Variants in PALLD observed in about 807,000 individuals in gnomAD.
PALLD encodes the protein palladin.
A neutral mutation model predicts 123.5 loss-of-function variants in PALLD; 61 were observed. That is an observed-to-expected ratio of 0.49 (90% confidence interval 0.40 to 0.61). PALLD has a LOEUF of 0.61. Ranked by LOEUF, PALLD falls within the 20% of genes least tolerant of loss-of-function variation. PALLD has a pLI of 0.00. For synonymous variants in PALLD, 465 were observed against 496.4 expected (o/e 0.94, Z 0.84); for missense variants, 1,273 against 1,377.0 (o/e 0.92, Z 1.20).
chr4:168,642,504 C>T (rs1411195379), intron 2 of PALLD, among the ~76,000 whole-genome samples: 13 of 152,126 alleles, frequency 8.5e-5, no homozygotes, highest in Admixed American at 6.5e-5. Flanking sequence ...TGGGTTCAAG[C>T]GATCCTCCTG....
At chr4:168,821,674 G>A (rs1033402836) in intron 10 of PALLD, among the ~76,000 whole-genome samples, 7 of 151,724 alleles carry the variant, frequency 4.6e-5, no homozygotes, top group Non-Finnish European at 1.0e-4. Flanking sequence ...TCAGGAGTTC[G>A]AGACCAGCCT....
intron 10 of PALLD, among the ~76,000 whole-genome samples, chr4:168,719,252 CTTTTTTTTTTTT>C (rs869040811): frequency 1.2e-5 from 1 of 85,698 alleles, no homozygotes. Context: ...AAGTAATCTT[CTTTTTTTTTTTT>C]TTTTTTTTTT....
Position 168,894,573 on chromosome 4 carries a change from G to A in PALLD, c.2101-6G>A. On this transcript the variant is annotated splice_polypyrimidine_tract_variant and splice_region_variant and intron_variant, in intron 11 of 21. Transcript: ENST00000505667. ...TTTTGTATTTTTTGTGACTTACGTT[G>A]TTTAGAGGTTAACATACGAAGAAAG... 6.3e-7 allele frequency: 1 copy of A among 1,596,022 alleles called. No homozygotes were observed. The highest frequency in any genetic ancestry group is 1.1e-5 in the South Asian group (1 of 90,652).
At chr4:168,682,281 A>G (rs1293354853) in intron 4 of PALLD, among the ~76,000 whole-genome samples, 1 of 152,206 alleles carries the variant, frequency 6.6e-6, no homozygotes, top group Non-Finnish European at 1.5e-5. Flanking sequence ...ATCTGCTAGT[A>G]TGTACATAAA....
intron 3 of PALLD, among the ~76,000 whole-genome samples, chr4:168,671,765 C>G (rs1166497835): frequency 6.9e-6 from 1 of 145,602 alleles, no homozygotes; most frequent in Non-Finnish European, 1.6e-5. Flanking sequence ...TATTCTAGCA[C>G]TAAATTAGAC....
intron 10 of PALLD, among the ~76,000 whole-genome samples, chr4:168,886,079 A>G (rs1484944471): frequency 1.3e-5 from 2 of 152,250 alleles, no homozygotes; most frequent in African/African-American, 2.4e-5. Flanking sequence ...CTTCAATATA[A>G]TAATTTGAAT....
intron 17 of PALLD, 41 bp from the exon 18 acceptor site, chr4:168,921,493 T>C (rs1176823291): frequency 5.7e-6 from 8 of 1,403,024 alleles, no homozygotes; most frequent in Non-Finnish European, 7.9e-6. Context: ...TTTCACTCTG[T>C]TTTAATACAA....
At chr4:168,712,599 G>A (rs1391993575) in intron 10 of PALLD, among the ~76,000 whole-genome samples, 1 of 152,180 alleles carries the variant, frequency 6.6e-6, no homozygotes, top group African/African-American at 2.4e-5. Context: ...TATGAATGGA[G>A]CCATTACAAT....
At chr4:168,644,454 A>G (rs756569497) in intron 2 of PALLD, among the ~76,000 whole-genome samples, 3 of 152,192 alleles carry the variant, frequency 2.0e-5, no homozygotes, top group Non-Finnish European at 4.4e-5. Context: ...AACAGACCAT[A>G]TCACTGAATC....
At chr4:168,734,686 A>G (rs191770281) in intron 10 of PALLD, among the ~76,000 whole-genome samples, 1 of 152,358 alleles carries the variant, frequency 6.6e-6, no homozygotes, top group African/African-American at 2.4e-5. Flanking sequence ...CTATTAAAAA[A>G]TGACCTTTCC....
At chr4:168,874,392 A>T (rs1345831131) in intron 10 of PALLD, among the ~76,000 whole-genome samples, 1 of 152,228 alleles carries the variant, frequency 6.6e-6, no homozygotes, top group African/African-American at 2.4e-5. Flanking sequence ...TCTTTGCCCC[A>T]TCCAACCATC....
At position 168,633,520 on chromosome 4, in the gene PALLD, G is replaced by A. The variant is rs540623994; in HGVS notation, c.909-34670G>A. Among the ~76,000 whole-genome samples, 6 of 152,296 alleles carry A rather than the reference G, an allele frequency of 3.9e-5. No individual in the cohort carries two copies. In the South Asian group the frequency reaches 1.2e-3, roughly 32 times the overall value. On this transcript the variant is annotated intron_variant, in intron 2 of 21. Coordinates refer to ENST00000505667, the MANE Select transcript of PALLD (RefSeq NM_001166108.2). The stretch of plus-strand genomic sequence containing the variant: ...TTTTTCATTGTTCCTTTAGGAAAGA[G>A]ACCTACTTTGATCACTACAGTGTTT...
chr4:168,780,787 T>A (rs28515870), intron 10 of PALLD, among the ~76,000 whole-genome samples: 80,142 of 151,904 alleles, frequency 0.53, 22,165 homozygotes, highest in Non-Finnish European at 0.63. Context: ...TCCCAGGTTC[T>A]AGCGATTCTC....
intron 18 of PALLD, among the ~76,000 whole-genome samples, chr4:168,922,191 A>G (rs182782780): frequency 6.6e-6 from 1 of 151,686 alleles, no homozygotes; most frequent in African/African-American, 2.4e-5. Context: ...GTCATTGTCA[A>G]ACTACACTCA....
chr4:168,898,743 A>C, intron 14 of PALLD, 29 bp downstream of exon 14: 1 of 1,444,928 alleles, frequency 6.9e-7, no homozygotes. Flanking sequence ...GCTTTTTAAG[A>C]GTCATTCTCT....
chr4:168,515,294 T>A (rs1036220778), intron 2 of PALLD, among the ~76,000 whole-genome samples: 2 of 152,226 alleles, frequency 1.3e-5, no homozygotes, highest in Non-Finnish European at 2.9e-5. Context: ...AAATTTTCTA[T>A]CAGGAAGAAA....
intron 15 of PALLD, among the ~76,000 whole-genome samples, chr4:168,912,636 A>G (rs1174428001): frequency 6.6e-6 from 1 of 152,336 alleles, no homozygotes; most frequent in South Asian, 2.1e-4. Context: ...TTTATGAGGT[A>G]CAGTGTGATA....
At chr4:168,658,045 T>C (rs1024080964) in intron 2 of PALLD, among the ~76,000 whole-genome samples, 6 of 152,204 alleles carry the variant, frequency 3.9e-5, no homozygotes, top group Admixed American at 3.9e-4. Flanking sequence ...TGTGTGTCCA[T>C]GTCCTTCATC....
intron 11 of PALLD, chr4:168,894,236 C>A (rs1221235932): frequency 3.1e-6 from 1 of 319,118 alleles, no homozygotes; most frequent in Non-Finnish European, 6.0e-6. Flanking sequence ...AATAACATTT[C>A]TTTTAAATTG....
Sources: allele counts gnomAD v4.1 joint callset (sites outside exome capture counted in the v4.1 genomes callset), GRCh38; gene constraint gnomAD v4.1.1; transcripts MANE v1.5; gene names NCBI Gene and HGNC (gene_info 2026-07-23, HGNC 2026-07-21).